The following MCTP1 variants were observed in gnomAD, a reference collection of about 807,000 sequenced individuals.
MCTP1 encodes the protein multiple C2 and transmembrane domain containing 1.
Under a neutral mutation model 120.6 loss-of-function variants are expected in MCTP1, and 69 were observed. The observed-to-expected ratio is 0.57, with a 90% CI of 0.47 to 0.70. The LOEUF is 0.70. MCTP1 is among the 30% of genes least tolerant of loss of function. The pLI, the probability that MCTP1 is intolerant of heterozygous loss-of-function variation, is 0.00. For missense variants in MCTP1, 1,203 were observed against 1,248.8 expected, an observed-to-expected ratio of 0.96 and a Z score of 0.55; for synonymous variants, 529 against 493.1, an observed-to-expected ratio of 1.07 and a Z score of -0.96.
chr5:94,845,018 T>A (rs116920599), intron 17 of MCTP1, among the ~76,000 whole-genome samples: 1 of 151,890 alleles, frequency 6.6e-6, no homozygotes, highest in South Asian at 2.1e-4. Context: ...CAAAACAAAC[T>A]ATCAACAGAA....
chr5:94,714,730 C>T, intron 20 of MCTP1, 47 bp downstream of exon 20: 2 of 1,110,572 alleles, frequency 1.8e-6, no homozygotes, highest in Non-Finnish European at 1.4e-6. Flanking sequence ...AACAAATGGA[C>T]ACCTTATCCC....
chr5:95,013,905 T>C (rs1836546555), intron 2 of MCTP1, among the ~76,000 whole-genome samples: 1 of 152,080 alleles, frequency 6.6e-6, no homozygotes, highest in Non-Finnish European at 1.5e-5. Context: ...GTTCCTCTGA[T>C]AGATCTGGAC....
intron 1 of MCTP1, among the ~76,000 whole-genome samples, chr5:95,218,286 G>C (rs1235422573): frequency 6.6e-6 from 1 of 152,230 alleles, no homozygotes; most frequent in East Asian, 1.9e-4. Context: ...AATGGGGGCA[G>C]GAATTTGGTT....
chr5:94,712,966 A>G (rs187183408), intron 20 of MCTP1, among the ~76,000 whole-genome samples: 1 of 152,188 alleles, frequency 6.6e-6, no homozygotes, highest in Admixed American at 6.5e-5. Flanking sequence ...AATCCCCACC[A>G]GTGTAGCTGT....
In MCTP1 at chr5:94,953,320, C is replaced by G; in HGVS notation, c.880G>C (p.Glu294Gln). The G allele has an allele frequency of 6.2e-7, 1 of 1,610,514 alleles. No homozygotes were observed. Among genetic ancestry groups the G allele is most frequent in the Non-Finnish European group, 8.5e-7 (1 of 1,178,064 alleles). ...TGTATTATCTTACTTCTAAAAACTT[C>G]TTTTCCTCCGATTTTAAACTTCACA... ...PYVKFKIGGK[E>Q]VFRSKIIHKN... is the part of the protein sequence containing the mutation. Residue 294 changes from glutamate to glutamine, a missense_variant, in exon 3 of 23, where the codon GAA (glutamate) becomes CAA (glutamine). By Grantham distance (29) the Glu-to-Gln change is conservative. Around this residue, in one of 2 missense-constraint regions of MCTP1, gnomAD observed 740 missense variants for 871.1 expected, o/e 0.85. Transcript: ENST00000515393.
chr5:94,862,189 C>G (rs1231041229), intron 17 of MCTP1, among the ~76,000 whole-genome samples: 1 of 151,774 alleles, frequency 6.6e-6, no homozygotes, highest in African/African-American at 2.4e-5. Context: ...CGTTACAGGA[C>G]AAAGGCGGAA....
chr5:94,861,913 G>C (rs1329498042), intron 17 of MCTP1, among the ~76,000 whole-genome samples: 6 of 151,720 alleles, frequency 4.0e-5, no homozygotes, highest in Non-Finnish European at 7.4e-5. Flanking sequence ...GTGAAGTGGG[G>C]CAGCATCCAT....
intron 3 of MCTP1, among the ~76,000 whole-genome samples, chr5:94,952,688 G>A (rs553561807): frequency 3.0e-4 from 45 of 152,206 alleles, no homozygotes; most frequent in Middle Eastern, 6.8e-3. Flanking sequence ...AACTCCTCAA[G>A]TTCTTCTCTT....
chr5:94,805,079 A>T (rs567857491), intron 17 of MCTP1, among the ~76,000 whole-genome samples: 1 of 152,332 alleles, frequency 6.6e-6, no homozygotes, highest in African/African-American at 2.4e-5. Context: ...CAATCTTATT[A>T]TGCCCCTATA....
chr5:95,260,165 A>G (rs989398279), intron 1 of MCTP1, among the ~76,000 whole-genome samples: 2 of 152,174 alleles, frequency 1.3e-5, no homozygotes, highest in African/African-American at 2.4e-5. Context: ...TTGAGTATCA[A>G]ATTGAGGCTG....
chr5:95,092,930 A>G (rs1477170834), intron 1 of MCTP1, among the ~76,000 whole-genome samples: 1 of 152,224 alleles, frequency 6.6e-6, no homozygotes, highest in African/African-American at 2.4e-5. Context: ...CTGGTCTTCC[A>G]GGTATCTTAA....
chr5:95,023,910 A>T (rs1838689552), intron 1 of MCTP1, among the ~76,000 whole-genome samples: 1 of 152,202 alleles, frequency 6.6e-6, no homozygotes, highest in African/African-American at 2.4e-5. Flanking sequence ...TTTGTAACCA[A>T]GAAAATGGCA....
intron 19 of MCTP1, among the ~76,000 whole-genome samples, chr5:94,753,240 A>G (rs1334933481): frequency 2.0e-5 from 3 of 151,902 alleles, no homozygotes; most frequent in Non-Finnish European, 4.4e-5. Flanking sequence ...GAGAAGAAAC[A>G]AACCAGGCAT....
chr5:94,906,277 G>C (rs1332053666), intron 10 of MCTP1, among the ~76,000 whole-genome samples: 1 of 152,112 alleles, frequency 6.6e-6, no homozygotes, highest in Non-Finnish European at 1.5e-5. Flanking sequence ...CTTGAGCTCA[G>C]GTCTTCAAGA....
intron 1 of MCTP1, among the ~76,000 whole-genome samples, chr5:95,060,441 C>T (rs1479594392): frequency 2.0e-5 from 3 of 152,172 alleles, no homozygotes; most frequent in Non-Finnish European, 2.9e-5. Flanking sequence ...TTGGAAGATG[C>T]ATCCCAACTT....
chr5:95,215,852 G>A (rs1282490602), intron 1 of MCTP1, among the ~76,000 whole-genome samples: 1 of 151,986 alleles, frequency 6.6e-6, no homozygotes, highest in Admixed American at 6.6e-5. Context: ...GTTTGTGGGA[G>A]GGAGTTCTAA....
intron 17 of MCTP1, among the ~76,000 whole-genome samples, chr5:94,823,130 G>C (rs912396958): frequency 2.6e-5 from 4 of 152,038 alleles, no homozygotes; most frequent in Non-Finnish European, 4.4e-5. Flanking sequence ...GCCCATGCCT[G>C]TGTCCTGAAT....
chr5:94,840,630 C>T (rs1790809944), intron 17 of MCTP1, among the ~76,000 whole-genome samples: 1 of 152,032 alleles, frequency 6.6e-6, no homozygotes, highest in African/African-American at 2.4e-5. Flanking sequence ...ACTTAGTAAT[C>T]AAAGAGCTGG....
chr5:94,972,345 A>G (rs1581641705), intron 2 of MCTP1, among the ~76,000 whole-genome samples: 1 of 150,902 alleles, frequency 6.6e-6, no homozygotes, highest in Admixed American at 6.6e-5. Context: ...GGCAGGTTGA[A>G]CCCTTAACAG....
Sources: allele counts gnomAD v4.1 joint callset (sites outside exome capture counted in the v4.1 genomes callset), GRCh38; gene constraint gnomAD v4.1.1; regional missense constraint gnomAD v4.1.1; transcripts MANE v1.5; gene names NCBI Gene and HGNC (gene_info 2026-07-23, HGNC 2026-07-21).